LAMA5: variants seen among roughly 807,000 people sequenced by gnomAD.
The protein encoded by LAMA5 is laminin subunit alpha 5, also known as laminin subunit alpha-5.
LAMA5 carries 260 observed loss-of-function variants against 433.4 expected under a neutral mutation model. The ratio of observed to expected loss-of-function variants is 0.60; its 90% CI spans 0.54 to 0.66. The LOEUF is 0.66. Ranked by LOEUF, LAMA5 falls within the 30% of genes least tolerant of loss-of-function variation. LAMA5 has a pLI of 0.00. For synonymous variants in LAMA5, 2,620 were observed against 2,226.6 expected (o/e 1.18, Z -4.97); for missense variants, 5,378 against 5,258.5 (o/e 1.02, Z -0.70).
intron 6 of LAMA5, among the ~76,000 whole-genome samples, chr20:62,348,728 C>G (rs1397541876): frequency 6.6e-6 from 1 of 151,820 alleles, no homozygotes; most frequent in African/African-American, 2.4e-5. Context: ...AAAAATGAAA[C>G]TATAAAATTA....
chr20:62,355,952 C>G (rs1448739892), intron 2 of LAMA5, among the ~76,000 whole-genome samples: 1 of 152,222 alleles, frequency 6.6e-6, no homozygotes, highest in Non-Finnish European at 1.5e-5. Context: ...GAGCCGCCCC[C>G]GCTGTTCCCT....
chr20:62,336,045 C>T (rs1163140398), intron 18 of LAMA5, among the ~76,000 whole-genome samples: 2 of 146,948 alleles, frequency 1.4e-5, no homozygotes, highest in African/African-American at 5.1e-5. Flanking sequence ...TACCCCAATA[C>T]TCCCTTTAGG....
chr20:62,323,501 C>T lies in LAMA5; in HGVS notation c.6019G>A (p.Ala2007Thr). 6.4e-7 allele frequency: 1 copy of T among 1,560,340 alleles called. No homozygotes were observed. The highest frequency in any genetic ancestry group is 1.2e-5 in the South Asian group (1 of 85,112). ...HTTGPRCEIC[A>T]PGFYGNALLP... The stretch of plus-strand genomic sequence containing the variant: ...AGGGCGTTGCCGTAGAAGCCGGGGG[C>T]ACAGATCTCGCAGCGGGGCCCAGTG... The change falls in exon 45 of 80, where the codon GCC becomes ACC. Residue 2007 changes from alanine (A) to threonine (T), a missense_variant. Ala to Thr is a moderately conservative substitution (Grantham distance 58, BLOSUM62 0). Coordinates refer to ENST00000252999, the MANE Select transcript of LAMA5 (RefSeq NM_005560.6).
In LAMA5 at chr20:62,359,178, C is replaced by T. The variant is rs762910927; in HGVS notation, c.450+3222G>A. On this transcript the variant is annotated intron_variant, in intron 2 of 79. Transcript: ENST00000252999. This position sits in a 1 kb window ranked among gnomAD's most constrained non-coding sequence, Gnocchi z 4.3. ...GGGGCCTCCCTACCGGAAGGGGGCC[C>T]GTGCGTCCTCACTCCTCATCTGAGG... Among the ~76,000 whole-genome samples the T allele has an allele frequency of 1.1e-4, 17 of 152,172 alleles. No individual in the cohort carries two copies. Among genetic ancestry groups the T allele is most frequent in the African/African-American group, 2.7e-4 (11 of 41,436 alleles).
chr20:62,317,632 G>A (rs989766019), intron 54 of LAMA5, 30 bp downstream of exon 54: 2 of 1,529,404 alleles, frequency 1.3e-6, no homozygotes, highest in African/African-American at 2.7e-5. Context: ...CGTGGATGGG[G>A]TGGCGACAGG....
chr20:62,349,801 GTGAT>G (rs1983999827), intron 6 of LAMA5, among the ~76,000 whole-genome samples: 1 of 75,780 alleles, frequency 1.3e-5, no homozygotes, highest in Non-Finnish European at 3.2e-5. Context: ...GGTGATGACG[GTGAT>G]GGTGGGGGTG....
intron 2 of LAMA5, among the ~76,000 whole-genome samples, chr20:62,354,770 C>T (rs1216337586): frequency 6.6e-6 from 1 of 152,090 alleles, no homozygotes; most frequent in Non-Finnish European, 1.5e-5. Context: ...GCTCCCCCTA[C>T]CTGGGGGCAA....
chr20:62,360,697 G>A (rs1040078655), intron 2 of LAMA5, among the ~76,000 whole-genome samples: 4 of 151,586 alleles, frequency 2.6e-5, no homozygotes, highest in Admixed American at 2.6e-4. Context: ...TTCCCAGGTG[G>A]AGTGGAAAGG....
At chr20:62,334,701 C>G (rs1404766563) in intron 20 of LAMA5, 80 bp from the exon 21 acceptor site, 1 of 1,138,546 alleles carries the variant, frequency 8.8e-7, no homozygotes. Flanking sequence ...GACTGAGAAG[C>G]CTGCCTGGGG....
chr20:62,327,222 G>T lies in LAMA5; in HGVS notation c.5112+11C>A. The T allele has an allele frequency of 6.7e-7, 1 of 1,495,616 alleles. No homozygotes were observed. Among genetic ancestry groups the T allele is most frequent in the East Asian group, 2.3e-5 (1 of 42,908 alleles). 92.6% of individuals were successfully genotyped at this position (1,495,616 alleles called of 1,614,324 possible). A position where few individuals can be genotyped will look rare whatever the true frequency, so the allele number is the denominator to read the frequency against. On this transcript the variant is annotated intron_variant, in intron 38 of 79. Coordinates refer to ENST00000252999, the MANE Select transcript of LAMA5 (RefSeq NM_005560.6). The stretch of plus-strand genomic sequence containing the variant: ...TCAAAGTGCCTCCCCCAGACCTGAT[G>T]CCCTGCTTACCCGGTCCCCCAGGTA...
chr20:62,336,036 A>G (rs1601365905), intron 18 of LAMA5, among the ~76,000 whole-genome samples: 2 of 114,756 alleles, frequency 1.7e-5, no homozygotes, highest in Non-Finnish European at 3.5e-5. Context: ...GAACCCCTAT[A>G]CCCCAATACT....
At chr20:62,363,262 G>A (rs976021918) in intron 1 of LAMA5, among the ~76,000 whole-genome samples, 5 of 152,194 alleles carry the variant, frequency 3.3e-5, no homozygotes, top group African/African-American at 1.2e-4. Flanking sequence ...GCGGCAGGTG[G>A]GCCTGGGCCT....
At chr20:62,314,191 C>G in intron 62 of LAMA5, 113 bp downstream of exon 62, 1 of 1,320,004 alleles carries the variant, frequency 7.6e-7, no homozygotes, top group South Asian at 1.4e-5. Flanking sequence ...CGAGGGGTGG[C>G]GAGTGGGCAT....
In LAMA5 at chr20:62,313,226, C is replaced by A; in HGVS notation, c.8817G>T (p.Trp2939Cys). 1 of 1,547,948 alleles carries A rather than the reference C, an allele frequency of 6.5e-7. No individual in the cohort carries two copies. The change falls in exon 65 of 80, where the codon TGG becomes TGT. Residue 2939 changes from tryptophan (W) to cysteine (C), a missense_variant. Trp to Cys is a radical substitution (Grantham distance 215). Transcript: ENST00000252999. ...CARSKSTGDP[W>C]LTDGSYLDGT... is the part of the protein sequence containing the mutation. Reference sequence around the variant, plus strand: ...CGTCCAGGTAGGAGCCGTCCGTGAGCCACGGGTCCCCGGTCGACTTGGAGC... The same window carrying A: ...CGTCCAGGTAGGAGCCGTCCGTGAGACACGGGTCCCCGGTCGACTTGGAGC...
intron 58 of LAMA5, among the ~76,000 whole-genome samples, chr20:62,315,612 C>T (rs1986853936): frequency 6.6e-6 from 1 of 152,150 alleles, no homozygotes; most frequent in African/African-American, 2.4e-5. Context: ...TCTTGCCAGC[C>T]CCTTGGTTCC....
intron 18 of LAMA5, among the ~76,000 whole-genome samples, 163 bp downstream of exon 18, chr20:62,336,177 G>A (rs1981589407): frequency 6.9e-6 from 1 of 144,712 alleles, no homozygotes; most frequent in Admixed American, 6.9e-5. Context: ...ACACTCATGG[G>A]TACAATCCCC....
At position 62,332,501 on chromosome 20, in the gene LAMA5, G is replaced by A. The variant is rs756946016; in HGVS notation, c.3444-21C>T. ...GGGTGCTGTGGGGGGAGGGTGGTCAGCAGGTGGGGCAGCCCCGGGCGTGCC... is the reference window on the plus strand; with the variant it reads ...GGGTGCTGTGGGGGGAGGGTGGTCAACAGGTGGGGCAGCCCCGGGCGTGCC... On this transcript the variant is annotated intron_variant, in intron 27 of 79. Transcript: ENST00000252999. 1.3e-5 allele frequency: 21 copies of A among 1,610,420 alleles called. 1 individual carries two copies. Among genetic ancestry groups the A allele is most frequent in the South Asian group, 8.8e-5 (8 of 90,998 alleles).
At chr20:62,358,196 G>T (rs1389656585) in intron 2 of LAMA5, among the ~76,000 whole-genome samples, 1 of 152,154 alleles carries the variant, frequency 6.6e-6, no homozygotes, top group African/African-American at 2.4e-5. Flanking sequence ...TGCGGGGAGA[G>T]GAGCGGCCCC....
In LAMA5 at chr20:62,359,708, CTCCACG is replaced by C. The variant is rs1338396413; in HGVS notation, c.450+2686_450+2691del. ...GGCCCCACCCTTGGAGAGAGAACCC[CTCCACG>C]GCTGGGCGCAGCGGGACCCAGGCCA... On this transcript the variant is annotated intron_variant, in intron 2 of 79. Coordinates refer to ENST00000252999, the MANE Select transcript of LAMA5 (RefSeq NM_005560.6). The surrounding 1 kb of genome is among the most constrained non-coding windows in gnomAD (Gnocchi z 4.3). Among the ~76,000 whole-genome samples, 4 of 152,126 alleles carry C rather than the reference CTCCACG, an allele frequency of 2.6e-5. No individual in the cohort carries two copies. The highest frequency in any genetic ancestry group is 9.6e-5 in the African/African-American group (4 of 41,512).
Sources: allele counts gnomAD v4.1 joint callset (sites outside exome capture counted in the v4.1 genomes callset), GRCh38; gene constraint gnomAD v4.1.1; non-coding constraint Gnocchi (gnomAD v3.1); transcripts MANE v1.5; gene names NCBI Gene and HGNC (gene_info 2026-07-23, HGNC 2026-07-21).